The following GAN variants were observed in gnomAD, a reference collection of about 807,000 sequenced individuals.
GAN encodes the protein epididymis secretory sperm binding protein.
GAN carries 48 observed loss-of-function variants against 71.3 expected under a neutral mutation model. The ratio of observed to expected loss-of-function variants is 0.67; its 90% CI spans 0.53 to 0.86. The LOEUF (loss-of-function observed/expected upper bound fraction) is 0.86. GAN is among the 40% of genes least tolerant of loss of function. GAN has a pLI of 0.00. For synonymous variants in GAN, 386 were observed against 276.8 expected (o/e 1.39, Z -3.92); for missense variants, 928 against 770.1 (o/e 1.21, Z -2.43).
At position 81,387,026 on chromosome 16, in the gene GAN, T is replaced by C. The variant is rs1904422641; in HGVS notation, c.*9430T>C. ...CGGCTGAATAGCCAGGTTCAGACAG[T>C]GTTGGCAAGAACGGATCTTTGGCAA... On this transcript the variant is annotated 3_prime_UTR_variant, in exon 11 of 11. Transcript: ENST00000648994. 6.6e-6 allele frequency: 1 copy of C among 152,194 alleles called. No homozygotes were observed. The allele number at this position is 152,194 out of a possible 1,614,324, so 9.4% of individuals were successfully genotyped here. A position where few individuals can be genotyped will look rare whatever the true frequency, so the allele number is the denominator to read the frequency against.
At chr16:81,352,718 T>C (rs1164598226) in intron 2 of GAN, among the ~76,000 whole-genome samples, 1 of 152,188 alleles carries the variant, frequency 6.6e-6, no homozygotes, top group African/African-American at 2.4e-5. Flanking sequence ...TTTCATGCTT[T>C]CTCTCTTCTC....
rs1049405125 is a variant in GAN, at chr16:81,385,727, G to C, written c.*8131G>C. ...CACATTCTCACGTCTGCTGCCACAT[G>C]ATATACAAGTAAATGTATTAGAAGT... On this transcript the variant is annotated 3_prime_UTR_variant, in exon 11 of 11. Coordinates refer to ENST00000648994, the MANE Select transcript of GAN (RefSeq NM_022041.4). 9.9e-5 allele frequency: 15 copies of C among 150,838 alleles called. No homozygotes were observed. Among genetic ancestry groups the C allele is most frequent in the African/African-American group, 3.7e-4 (15 of 41,074 alleles). 9.3% of individuals were successfully genotyped at this position (150,838 alleles called of 1,614,324 possible). A position where few individuals can be genotyped will look rare whatever the true frequency, so the allele number is the denominator to read the frequency against.
At chr16:81,344,818 C>T (rs1157306483) in intron 1 of GAN, among the ~76,000 whole-genome samples, 1 of 152,108 alleles carries the variant, frequency 6.6e-6, no homozygotes, top group African/African-American at 2.4e-5. Context: ...AACGGGCAAC[C>T]TACAGAATGG....
chr16:81,368,245 G>C (rs990330800), intron 9 of GAN, among the ~76,000 whole-genome samples: 8 of 152,134 alleles, frequency 5.3e-5, no homozygotes, highest in Admixed American at 5.2e-4. Context: ...CTCTATTTCT[G>C]TTCCTTGTGT....
At chr16:81,343,455 G>A (rs1032533897) in intron 1 of GAN, among the ~76,000 whole-genome samples, 2 of 152,178 alleles carry the variant, frequency 1.3e-5, no homozygotes, top group African/African-American at 4.8e-5. Context: ...ATGCAAGGCT[G>A]GTTCAACATA....
In GAN at chr16:81,383,493, T is replaced by G; in HGVS notation, c.*5897T>G. ...GGTCTCGATCTCCTAAACTTCGTGA[T>G]CCGCCCGCCTCAGCCTCCCAAAGTG... On this transcript the variant is annotated 3_prime_UTR_variant, in exon 11 of 11. Coordinates refer to ENST00000648994, the MANE Select transcript of GAN (RefSeq NM_022041.4). 1 of 151,460 alleles carries G rather than the reference T, an allele frequency of 6.6e-6. No homozygotes were observed. Among genetic ancestry groups the G allele is most frequent in the African/African-American group, 2.4e-5 (1 of 41,302 alleles). The allele number at this position is 151,460 out of a possible 1,614,324, so 9.4% of individuals were successfully genotyped here. A position where few individuals can be genotyped will look rare whatever the true frequency, so the allele number is the denominator to read the frequency against.
intron 1 of GAN, among the ~76,000 whole-genome samples, chr16:81,328,690 A>G (rs887164831): frequency 1.4e-5 from 2 of 146,618 alleles, no homozygotes; most frequent in Non-Finnish European, 3.0e-5. Flanking sequence ...TTTTAGATCT[A>G]TCACCATTCC....
chr16:81,379,072 A>G lies in GAN; in HGVS notation c.*1476A>G, dbSNP rs572551450. On this transcript the variant is annotated 3_prime_UTR_variant, in exon 11 of 11. Coordinates refer to ENST00000648994, the MANE Select transcript of GAN (RefSeq NM_022041.4). ...TTTTTCCTTTTGGAATATGGCTGTA[A>G]GAAGCAGCATTTTGTCTTATTAACA... is the stretch of plus-strand genomic sequence containing the variant. 1 of 152,138 alleles carries G rather than the reference A, an allele frequency of 6.6e-6. No homozygotes were observed. The highest frequency in any genetic ancestry group is 1.5e-5 in the Non-Finnish European group (1 of 68,026). 9.4% of individuals were successfully genotyped at this position (152,138 alleles called of 1,614,324 possible).
Position 81,375,110 on chromosome 16 carries a change from G to T in GAN, c.1503-2109G>T, listed in dbSNP as rs530883704. ...CTGTAAAAGAAGAAAAGGATATATTGGAATTCATCAAAATTAAAAACTTCT... is the reference window on the plus strand; with the variant it reads ...CTGTAAAAGAAGAAAAGGATATATTTGAATTCATCAAAATTAAAAACTTCT... On this transcript the variant is annotated intron_variant, in intron 9 of 10. Coordinates refer to ENST00000648994, the MANE Select transcript of GAN (RefSeq NM_022041.4). Among the ~76,000 whole-genome samples, 4 of 152,116 alleles carry T rather than the reference G, an allele frequency of 2.6e-5. No individual in the cohort carries two copies. In the South Asian group the frequency reaches 8.3e-4, roughly 32 times the overall value.
At chr16:81,372,716 A>C (rs1911075612) in intron 9 of GAN, among the ~76,000 whole-genome samples, 1 of 152,246 alleles carries the variant, frequency 6.6e-6, no homozygotes, top group African/African-American at 2.4e-5. Flanking sequence ...GGTTGGTTTC[A>C]TTCAGAATCT....
intron 1 of GAN, among the ~76,000 whole-genome samples, chr16:81,326,809 AG>A (rs1160811624): frequency 1.3e-5 from 2 of 152,210 alleles, no homozygotes; most frequent in African/African-American, 4.8e-5. Context: ...AACATAGAAA[AG>A]CCACAGCAAA....
chr16:81,355,528 T>C (rs760054411), intron 3 of GAN, among the ~76,000 whole-genome samples: 7 of 152,148 alleles, frequency 4.6e-5, no homozygotes, highest in Admixed American at 2.0e-4. Context: ...CATGCCTAGC[T>C]AATTGTTTGA....
intron 9 of GAN, among the ~76,000 whole-genome samples, chr16:81,371,318 A>T (rs920309864): frequency 5.9e-5 from 9 of 152,038 alleles, no homozygotes; most frequent in African/African-American, 1.7e-4. Flanking sequence ...GCGTCTATTG[A>T]TTGTTTGCTC....
chr16:81,317,167 T>C (rs915983640), intron 1 of GAN, among the ~76,000 whole-genome samples: 2 of 152,250 alleles, frequency 1.3e-5, no homozygotes, highest in African/African-American at 4.8e-5. Context: ...GTGTTTTCTT[T>C]TATTCACTGC....
intron 1 of GAN, among the ~76,000 whole-genome samples, chr16:81,349,687 C>G (rs1041378544): frequency 2.0e-5 from 3 of 152,080 alleles, no homozygotes; most frequent in Non-Finnish European, 4.4e-5. Context: ...ATTTCCTGTT[C>G]TGTTTGTATT....
intron 1 of GAN, among the ~76,000 whole-genome samples, chr16:81,328,903 A>G (rs1175684072): frequency 1.3e-5 from 2 of 152,160 alleles, no homozygotes; most frequent in African/African-American, 4.8e-5. Flanking sequence ...TTTTGTTTTA[A>G]TAACCTTTTA....
intron 1 of GAN, among the ~76,000 whole-genome samples, chr16:81,320,348 C>G (rs540627979): frequency 6.6e-6 from 1 of 152,200 alleles, no homozygotes; most frequent in Non-Finnish European, 1.5e-5. Context: ...TTTTCATCCC[C>G]AGTTTACTTT....
At chr16:81,362,905 G>A (rs1212330774) in intron 6 of GAN, among the ~76,000 whole-genome samples, 4 of 152,136 alleles carry the variant, frequency 2.6e-5, no homozygotes, top group Non-Finnish European at 5.9e-5. Flanking sequence ...CCTTCTCAGC[G>A]GGCCTCCCTC....
rs1275289479 is a variant in GAN, at chr16:81,384,462, C to T, written c.*6866C>T. 1 of 151,984 alleles carries T rather than the reference C, an allele frequency of 6.6e-6. No homozygotes were observed. The highest frequency in any genetic ancestry group is 2.4e-5 in the African/African-American group (1 of 41,372). 9.4% of individuals were successfully genotyped at this position (151,984 alleles called of 1,614,324 possible). A position where few individuals can be genotyped will look rare whatever the true frequency, so the allele number is the denominator to read the frequency against. ...GCAGAAAAGTAGTCTATTTAAACGC[C>T]ACTGCTGTGTAAAACAGGGGGCTCG... On this transcript the variant is annotated 3_prime_UTR_variant, in exon 11 of 11. Transcript: ENST00000648994.
Sources: allele counts gnomAD v4.1 joint callset (sites outside exome capture counted in the v4.1 genomes callset), GRCh38; gene constraint gnomAD v4.1.1; transcripts MANE v1.5; gene names NCBI Gene and HGNC (gene_info 2026-07-23, HGNC 2026-07-21).